The following FOXP2 variants were observed in gnomAD, a reference collection of about 807,000 sequenced individuals.
FOXP2 encodes the protein forkhead box P2.
In FOXP2, 12 loss-of-function variants were observed where a neutral mutation model predicts 115.8. The ratio of observed to expected loss-of-function variants is 0.10; its 90% confidence interval spans 0.07 to 0.17. The LOEUF (loss-of-function observed/expected upper bound fraction) is 0.17, where lower values mean the gene tolerates loss of function less well. Among genes scored for constraint, FOXP2 ranks in the 10% least tolerant of loss-of-function variants. The pLI is 1.00. For synonymous variants in FOXP2, 328 were observed against 297.7 expected, an observed-to-expected ratio of 1.10 and a Z score of -1.05; for missense variants, 629 against 843.5, an observed-to-expected ratio of 0.75 and a Z score of 3.15.
chr7:114,475,736 GT>G (rs1284582748), intron 2 of FOXP2, among the ~76,000 whole-genome samples: 2 of 151,652 alleles, frequency 1.3e-5, no homozygotes, highest in Non-Finnish European at 2.9e-5. Flanking sequence ...ATCTCTTATG[GT>G]TTTGAAGAAT....
intron 1 of FOXP2, among the ~76,000 whole-genome samples, chr7:114,140,802 C>A (rs756209494): frequency 3.3e-5 from 5 of 152,190 alleles, no homozygotes; most frequent in African/African-American, 4.8e-5. Flanking sequence ...CCTTTAGCCA[C>A]CCTGAGGGTG....
chr7:114,211,387 C>T (rs970337631), intron 1 of FOXP2, among the ~76,000 whole-genome samples: 12 of 152,186 alleles, frequency 7.9e-5, no homozygotes, highest in African/African-American at 2.4e-4. Context: ...CAAAGATCCA[C>T]GGGAAAAGCT....
At chr7:114,492,677 G>C (rs1797122406) in intron 2 of FOXP2, among the ~76,000 whole-genome samples, 1 of 152,158 alleles carries the variant, frequency 6.6e-6, no homozygotes, top group Admixed American at 6.6e-5. Context: ...GTACCCAGTA[G>C]TCATTCAGGA....
intron 2 of FOXP2, among the ~76,000 whole-genome samples, chr7:114,373,369 G>A (rs1259548559): frequency 1.3e-5 from 2 of 152,136 alleles, no homozygotes; most frequent in Non-Finnish European, 2.9e-5. Flanking sequence ...CAGAGCAGCT[G>A]TGGATTTACG....
At chr7:114,664,900 T>G (rs1210465079) in intron 16 of FOXP2, 1 of 182,296 alleles carries the variant, frequency 5.5e-6, no homozygotes, top group Non-Finnish European at 1.2e-5. Flanking sequence ...ACCCACAGTT[T>G]ACATAGAAGC....
intron 2 of FOXP2, among the ~76,000 whole-genome samples, chr7:114,521,891 A>G (rs1030610896): frequency 1.3e-5 from 2 of 152,128 alleles, no homozygotes; most frequent in African/African-American, 2.4e-5. Flanking sequence ...AGGGAATGCT[A>G]CTTTCTTTAC....
intron 2 of FOXP2, among the ~76,000 whole-genome samples, chr7:114,360,247 A>G (rs1338723603): frequency 6.6e-6 from 1 of 152,080 alleles, no homozygotes; most frequent in Non-Finnish European, 1.5e-5. Context: ...CATGATTGTG[A>G]GGCCTCCCCA....
chr7:114,468,624 A>G (rs1332302691), intron 2 of FOXP2, among the ~76,000 whole-genome samples: 3 of 152,048 alleles, frequency 2.0e-5, no homozygotes, highest in Non-Finnish European at 4.4e-5. Context: ...ACTCTTTCTC[A>G]TTCTTTTTAA....
Position 114,561,312 on chromosome 7 carries a change from G to A in FOXP2, c.258+26606G>A, listed in dbSNP as rs535802848. Reference sequence around the variant, plus strand: ...GTTTTAATATCAATTTTTTTTTCTCGAAGAATTTTACTCTTTCAACACCAA... The same window carrying A: ...GTTTTAATATCAATTTTTTTTTCTCAAAGAATTTTACTCTTTCAACACCAA... On this transcript the variant is annotated intron_variant, in intron 3 of 16. Transcript: ENST00000350908. 116 of 151,654 alleles carry A rather than the reference G, an allele frequency of 7.6e-4. 1 individual carries two copies. The highest frequency in any genetic ancestry group is 2.7e-3 in the African/African-American group (113 of 41,378). The allele number at this position is 151,654 out of a possible 1,614,324, so 9.4% of individuals were successfully genotyped here.
chr7:114,167,287 T>C (rs983937335), intron 1 of FOXP2, among the ~76,000 whole-genome samples: 5 of 152,186 alleles, frequency 3.3e-5, no homozygotes, highest in Non-Finnish European at 7.3e-5. Flanking sequence ...CAAAGAGACA[T>C]GGAAAAACCT....
chr7:114,132,582 TGAGAGA>T (rs35572133), intron 1 of FOXP2, among the ~76,000 whole-genome samples: 41 of 55,996 alleles, frequency 7.3e-4, no homozygotes, highest in African/African-American at 3.1e-3. Context: ...TGTGTGTGTG[TGAGAGA>T]GAGAGAGAGA....
In FOXP2 at chr7:114,384,978, T is replaced by A. The variant is rs1384587384; in HGVS notation, c.-10-41524T>A. The stretch of plus-strand genomic sequence containing the variant: ...TGACTTTTAAAGGAATAGGGCACAC[T>A]TTTTTTTTTAACTATTTCTATCTTT... On this transcript the variant is annotated intron_variant, in intron 2 of 17. Coordinates refer to the FOXP2 transcript ENST00000634411. Among the ~76,000 whole-genome samples the A allele has an allele frequency of 3.7e-5, 5 of 135,120 alleles. No homozygotes were observed. The East Asian group carries it at 5.9e-4, about 16-fold the overall frequency. 88.6% of individuals were successfully genotyped at this position (135,120 alleles called of 152,430 possible). A position where few individuals can be genotyped will look rare whatever the true frequency, so the allele number is the denominator to read the frequency against.
chr7:114,395,136 A>G (rs1792708248), intron 2 of FOXP2, among the ~76,000 whole-genome samples: 1 of 152,168 alleles, frequency 6.6e-6, no homozygotes, highest in Admixed American at 6.5e-5. Context: ...CTATGACAGT[A>G]TTTTCCCAAC....
intron 2 of FOXP2, among the ~76,000 whole-genome samples, chr7:114,316,324 A>G (rs1358431544): frequency 6.6e-6 from 1 of 152,230 alleles, no homozygotes; most frequent in Non-Finnish European, 1.5e-5. Flanking sequence ...ACATTACTCT[A>G]ATTCTCCAAC....
intron 1 of FOXP2, among the ~76,000 whole-genome samples, chr7:114,200,970 C>A (rs1794046102): frequency 6.6e-6 from 1 of 152,048 alleles, no homozygotes; most frequent in African/African-American, 2.4e-5. Context: ...GCCTGGCTAA[C>A]ATGGTGAAAC....
chr7:114,261,365 A>G (rs2129171312), intron 1 of FOXP2, among the ~76,000 whole-genome samples: 1 of 152,220 alleles, frequency 6.6e-6, no homozygotes, highest in Non-Finnish European at 1.5e-5. Flanking sequence ...ATATTGTATA[A>G]ATATTTTATT....
chr7:114,455,560 A>G (rs897394367), intron 2 of FOXP2, among the ~76,000 whole-genome samples: 3 of 152,202 alleles, frequency 2.0e-5, no homozygotes, highest in African/African-American at 4.8e-5. Context: ...GTAACAGCAT[A>G]TGGATAATCT....
At chr7:114,569,498 A>G (rs1801186070) in intron 3 of FOXP2, among the ~76,000 whole-genome samples, 3 of 151,928 alleles carry the variant, frequency 2.0e-5, no homozygotes, top group African/African-American at 7.2e-5. Context: ...TACAATGCCA[A>G]CACCTTCAAT....
chr7:114,165,520 T>A (rs1347565781), intron 1 of FOXP2, among the ~76,000 whole-genome samples: 1 of 152,220 alleles, frequency 6.6e-6, no homozygotes, highest in Non-Finnish European at 1.5e-5. Flanking sequence ...CAGTACTGTT[T>A]ATATTAACAC....
Sources: allele counts gnomAD v4.1 joint callset (sites outside exome capture counted in the v4.1 genomes callset), GRCh38; gene constraint gnomAD v4.1.1; transcripts MANE v1.5; gene names NCBI Gene and HGNC (gene_info 2026-07-23, HGNC 2026-07-21).